The following KIN variants were observed in gnomAD, a reference collection of about 807,000 sequenced individuals.
The protein encoded by KIN is DNA/RNA-binding protein KIN17.
In KIN, 47 loss-of-function variants were observed where a neutral mutation model predicts 63.0. The observed-to-expected ratio is 0.75, with a 90% CI of 0.59 to 0.95. The LOEUF (loss-of-function observed/expected upper bound fraction) is 0.95. Among genes scored for constraint, KIN ranks in the 40% least tolerant of loss-of-function variants. The pLI, the probability that KIN is intolerant of heterozygous loss-of-function variation, is 0.00. For synonymous variants in KIN, 160 were observed against 157.7 expected (o/e 1.01, Z -0.11); for missense variants, 408 against 460.9 (o/e 0.89, Z 1.05).
chr10:7,776,029 C>T (rs185407209), intron 5 of KIN, among the ~76,000 whole-genome samples: 35 of 151,930 alleles, frequency 2.3e-4, no homozygotes, highest in African/African-American at 7.0e-4. Context: ...TAGTTCGAGA[C>T]CAGTCTGGCC....
intron 11 of KIN, among the ~76,000 whole-genome samples, chr10:7,760,308 A>G (rs1835414509): frequency 6.6e-6 from 1 of 152,170 alleles, no homozygotes; most frequent in Non-Finnish European, 1.5e-5. Flanking sequence ...GAGACAATTT[A>G]GCTTACTTTG....
At chr10:7,777,677 C>T (rs1835806538) in intron 5 of KIN, among the ~76,000 whole-genome samples, 1 of 151,962 alleles carries the variant, frequency 6.6e-6, no homozygotes, top group Non-Finnish European at 1.5e-5. Flanking sequence ...AAGGGCGGAT[C>T]ACCTGAGGTC....
intron 8 of KIN, among the ~76,000 whole-genome samples, chr10:7,767,069 A>G (rs1588475247): frequency 6.6e-6 from 1 of 152,034 alleles, no homozygotes; most frequent in East Asian, 1.9e-4. Context: ...CTTTTCAACA[A>G]ACAGTGTTCT....
chr10:7,775,814 GT>G lies in KIN; in HGVS notation c.559-16del. The G allele has an allele frequency of 6.6e-7, 1 of 1,520,356 alleles. No homozygotes were observed. Among genetic ancestry groups the G allele is most frequent in the Non-Finnish European group, 8.9e-7 (1 of 1,117,728 alleles). 94.2% of individuals were successfully genotyped at this position (1,520,356 alleles called of 1,614,324 possible). On this transcript the variant is annotated splice_polypyrimidine_tract_variant and intron_variant, in intron 5 of 12. Transcript: ENST00000379562. ...GTAGGGACCTCCTAAAAAAAAGAAAGTTTTAAGGTTTTGGTGTACATTGCAC... is the reference window on the plus strand; with the variant it reads ...GTAGGGACCTCCTAAAAAAAAGAAAGTTTAAGGTTTTGGTGTACATTGCAC...
Position 7,754,478 on chromosome 10 carries a change from C to T in KIN, c.*1602G>A, listed in dbSNP as rs962579197. ...TGAAACCTCATCTCTTCTAAAATTA[C>T]AAAAATTAGCTGGGCGTGGTGGCGC... On this transcript the variant is annotated 3_prime_UTR_variant, in exon 13 of 13. Coordinates refer to ENST00000379562, the MANE Select transcript of KIN (RefSeq NM_012311.4). The T allele has an allele frequency of 6.4e-6, 1 of 155,504 alleles. No homozygotes were observed. The highest frequency in any genetic ancestry group is 1.4e-5 in the Non-Finnish European group (1 of 71,844). 9.6% of individuals were successfully genotyped at this position (155,504 alleles called of 1,614,324 possible).
intron 10 of KIN, 103 bp downstream of exon 10, chr10:7,763,620 G>A (rs868321522): frequency 2.9e-6 from 2 of 678,804 alleles, no homozygotes; most frequent in African/African-American, 1.9e-5. Flanking sequence ...TTTAAACATA[G>A]TACTTCTGCT....
intron 2 of KIN, 109 bp from the exon 3 acceptor site, chr10:7,780,416 CAG>C (rs1489232889): frequency 3.3e-6 from 3 of 897,004 alleles, no homozygotes; most frequent in Non-Finnish European, 5.0e-6. Context: ...TTTTTTGAGA[CAG>C]AGTCTCGTTC....
At chr10:7,781,309 T>C (rs1287350798) in intron 2 of KIN, among the ~76,000 whole-genome samples, 1 of 152,042 alleles carries the variant, frequency 6.6e-6, no homozygotes, top group Non-Finnish European at 1.5e-5. Context: ...AATTTATGGC[T>C]GATAAAAATG....
At chr10:7,770,787 GAA>G (rs1835651615) in intron 7 of KIN, among the ~76,000 whole-genome samples, 1 of 152,160 alleles carries the variant, frequency 6.6e-6, no homozygotes, top group African/African-American at 2.4e-5. Context: ...GATTAGTAGA[GAA>G]TACAACAGAT....
In KIN at chr10:7,780,455, T is replaced by A; in HGVS notation, c.210-148A>T. The A allele has an allele frequency of 6.5e-6, 4 of 613,592 alleles. No individual in the cohort carries two copies. In the South Asian group the frequency reaches 8.5e-5, roughly 13 times the overall value. The allele number at this position is 613,592 out of a possible 1,614,324, so 38.0% of individuals were successfully genotyped here. A position where few individuals can be genotyped will look rare whatever the true frequency, so the allele number is the denominator to read the frequency against. On this transcript the variant is annotated intron_variant, in intron 2 of 12. Coordinates refer to ENST00000379562, the MANE Select transcript of KIN (RefSeq NM_012311.4). The stretch of plus-strand genomic sequence containing the variant: ...CGTCACCCAAGCTGGAGTGCAATAG[T>A]GTGATCTCAGCTCATTGCAACCTCC...
At chr10:7,775,537 T>C (rs1835752638) in intron 6 of KIN, among the ~76,000 whole-genome samples, 1 of 152,172 alleles carries the variant, frequency 6.6e-6, no homozygotes, top group Admixed American at 6.5e-5. Flanking sequence ...TTCCTTATTG[T>C]TTAAGTTAAT....
Position 7,751,261 on chromosome 10 carries a change from T to C in KIN, c.*4819A>G, listed in dbSNP as rs187444140. On this transcript the variant is annotated 3_prime_UTR_variant, in exon 13 of 13. Coordinates refer to ENST00000379562, the MANE Select transcript of KIN (RefSeq NM_012311.4). ...TTTAAAAAAGCTTTTTAAAGGCACA[T>C]TTTTATGAATCTTCCTTTCCATAAT... The C allele has an allele frequency of 6.6e-6, 1 of 152,354 alleles. No homozygotes were observed. The highest frequency in any genetic ancestry group is 2.4e-5 in the African/African-American group (1 of 41,582). 9.4% of individuals were successfully genotyped at this position (152,354 alleles called of 1,614,324 possible).
chr10:7,760,431 T>A (rs1000161219), intron 11 of KIN, among the ~76,000 whole-genome samples: 1 of 152,140 alleles, frequency 6.6e-6, no homozygotes, highest in Admixed American at 6.5e-5. Flanking sequence ...AAACCAGATA[T>A]CCACACAAAG....
At chr10:7,766,815 A>G (rs1404272404) in intron 8 of KIN, among the ~76,000 whole-genome samples, 1 of 151,932 alleles carries the variant, frequency 6.6e-6, no homozygotes, top group Non-Finnish European at 1.5e-5. Flanking sequence ...CGAGGTCAGG[A>G]GTTTGAGACT....
chr10:7,763,746 G>T lies in KIN; in HGVS notation c.895C>A (p.His299Asn). ...ACCTTAACAATAGCCTTTTTCTTAT[G>T]ATATTTCTCTCCCAGTTTCTTGGTT... Reference protein sequence around the residue: ...IITKKLGEKYHKKKAIVKEVI... With the variant: ...IITKKLGEKYNKKKAIVKEVI... Residue 299 changes from histidine (H) to asparagine (N), a missense_variant, in exon 10 of 13, where the codon CAT (histidine) becomes AAT (asparagine). Around this residue, in one of 2 missense-constraint regions of KIN, gnomAD observed 298 missense variants for 296.0 expected, o/e 1.01. Transcript: ENST00000379562. The T allele has an allele frequency of 1.4e-6, 2 of 1,477,142 alleles. No individual in the cohort carries two copies. The highest frequency in any genetic ancestry group is 1.9e-6 in the Non-Finnish European group (2 of 1,071,172). The allele number at this position is 1,477,142 out of a possible 1,614,324, so 91.5% of individuals were successfully genotyped here.
intron 7 of KIN, among the ~76,000 whole-genome samples, chr10:7,772,075 A>C (rs1835677960): frequency 6.6e-6 from 1 of 152,140 alleles, no homozygotes; most frequent in Admixed American, 6.6e-5. Flanking sequence ...GCGAGACCCT[A>C]GGCTCATTTA....
At chr10:7,767,197 C>T (rs1042801199) in intron 8 of KIN, among the ~76,000 whole-genome samples, 3 of 152,082 alleles carry the variant, frequency 2.0e-5, no homozygotes, top group Non-Finnish European at 2.9e-5. Context: ...TGTTGGCCCT[C>T]CTGGCTCTCT....
At chr10:7,780,600 T>C (rs1835877798) in intron 2 of KIN, among the ~76,000 whole-genome samples, 1 of 152,102 alleles carries the variant, frequency 6.6e-6, no homozygotes, top group Non-Finnish European at 1.5e-5. Context: ...GGTTTCACCA[T>C]GTTGGGCAGG....
Position 7,753,885 on chromosome 10 carries a change from G to A in KIN, c.*2195C>T. On this transcript the variant is annotated 3_prime_UTR_variant, in exon 13 of 13. Coordinates refer to ENST00000379562, the MANE Select transcript of KIN (RefSeq NM_012311.4). The stretch of plus-strand genomic sequence containing the variant: ...CAGCATACGTTCTCCCATCTTCTGA[G>A]AATAGAAGCAATCAGCCCTCCCTGA... 3.0e-6 allele frequency: 1 copy of A among 334,938 alleles called. No homozygotes were observed. Among genetic ancestry groups the A allele is most frequent in the Middle Eastern group, 4.0e-4 (1 of 2,486 alleles). 20.7% of individuals were successfully genotyped at this position (334,938 alleles called of 1,614,324 possible).
Sources: gnomAD v4.1 joint callset for allele counts (sites outside exome capture counted in the v4.1 genomes callset) on GRCh38, gnomAD v4.1.1 for gene constraint, gnomAD v4.1.1 regional missense constraint, MANE v1.5 for transcripts, NCBI Gene and HGNC (gene_info 2026-07-23, HGNC 2026-07-21) for gene names.